Variants in ZNF682 observed in about 807,000 individuals in gnomAD.
ZNF682 encodes zinc finger protein 682.
Under a neutral mutation model 36.5 loss-of-function variants are expected in ZNF682, and 29 were observed. That is an observed-to-expected ratio of 0.80 (90% CI 0.59 to 1.08). ZNF682 has a LOEUF of 1.08. ZNF682 is among the 50% of genes least tolerant of loss of function. The pLI, the probability that ZNF682 is intolerant of heterozygous loss-of-function variation, is 0.00. For synonymous variants in ZNF682, 180 were observed against 197.0 expected (o/e 0.91, Z 0.72); for missense variants, 561 against 579.7 (o/e 0.97, Z 0.33).
At chr19:20,038,848 T>C (rs2088557508) in intron 1 of ZNF682, among the ~76,000 whole-genome samples, 1 of 152,212 alleles carries the variant, frequency 6.6e-6, no homozygotes. Flanking sequence ...TCCTTCAAGC[T>C]CTTCGGCTGG....
chr19:20,004,279 A>C (rs1190809593), downstream of ZNF682: 1 of 151,672 alleles, frequency 6.6e-6, no homozygotes, highest in African/African-American at 2.4e-5. Flanking sequence ...AAAGTCACTA[A>C]GGATAAGAAT....
downstream of ZNF682, among the ~76,000 whole-genome samples, chr19:20,000,387 G>C (rs1170003005): frequency 6.6e-6 from 1 of 152,178 alleles, no homozygotes; most frequent in African/African-American, 2.4e-5. Flanking sequence ...CGATAATGCA[G>C]ATGTCCACTT....
rs1473481540 is a variant in ZNF682, at chr19:20,006,188, TGAGCACC to T, written c.1307_1313del (p.Arg436HisfsTer66). ...GAATTTTCTTATGTCTAGTAAGGTG[TGAGCACC>T]GATTAAAGGCTTTTCCACATTCTTC... On this transcript the variant is annotated frameshift_variant, in exon 4 of 4. Transcript: ENST00000397165. LOFTEE classifies it high-confidence loss of function. 1.2e-6 allele frequency: 2 copies of T among 1,613,382 alleles called. No homozygotes were observed. The highest frequency in any genetic ancestry group is 1.7e-6 in the Non-Finnish European group (2 of 1,179,550).
At chr19:20,017,317 G>A (rs1031841094) in intron 3 of ZNF682, among the ~76,000 whole-genome samples, 3 of 152,108 alleles carry the variant, frequency 2.0e-5, no homozygotes, top group Non-Finnish European at 4.4e-5. Flanking sequence ...GTCTTTAGGG[G>A]ACTCATTTTA....
intron 1 of ZNF682, 68 bp downstream of exon 1, chr19:20,039,275 A>G (rs1283576090): frequency 1.9e-6 from 3 of 1,600,838 alleles, no homozygotes; most frequent in Non-Finnish European, 2.6e-6. Context: ...CAGTCCCGTC[A>G]CTGCCGGTTC....
intron 3 of ZNF682, among the ~76,000 whole-genome samples, chr19:20,012,700 G>A (rs1390038392): frequency 2.7e-5 from 4 of 150,282 alleles, no homozygotes; most frequent in Middle Eastern, 3.4e-3. Context: ...CCCGGGAGGC[G>A]GAGCTTGCAG....
At chr19:20,019,774 T>TG (rs1375665620) in intron 3 of ZNF682, among the ~76,000 whole-genome samples, 4 of 152,124 alleles carry the variant, frequency 2.6e-5, no homozygotes, top group African/African-American at 9.7e-5. Flanking sequence ...AATGATAAAA[T>TG]ATCACTTCAC....
intron 2 of ZNF682, 80 bp from the exon 3 acceptor site, chr19:20,023,179 A>C: frequency 7.9e-7 from 1 of 1,262,786 alleles, no homozygotes; most frequent in South Asian, 1.3e-5. Context: ...TGTAGATAAG[A>C]GAGAATATTA....
At chr19:20,002,833 T>C (rs1219698822), downstream of ZNF682, among the ~76,000 whole-genome samples, 1 of 152,196 alleles carries the variant, frequency 6.6e-6, no homozygotes, top group Non-Finnish European at 1.5e-5. Flanking sequence ...GACATCTCCC[T>C]AGTGTTCACC....
At chr19:20,024,198 A>C (rs1277329381) in intron 2 of ZNF682, 52 bp downstream of exon 2, 1 of 1,605,598 alleles carries the variant, frequency 6.2e-7, no homozygotes, top group African/African-American at 1.3e-5. Context: ...ACAGAGGAAG[A>C]AAATAAAATC....
chr19:20,006,633 C>G lies in ZNF682; in HGVS notation c.869G>C (p.Cys290Ser), dbSNP rs1356460326. The stretch of plus-strand genomic sequence containing the variant: ...TGAGTGCCGGTTAAACGCTCTGCCA[C>G]AGTCTTCACATGTATAGGGTTTTTC... ...TGEKPYTCED[C>S]GRAFNRHSHL... Residue 290 changes from cysteine (C) to serine (S), a missense_variant, in exon 4 of 4, where the codon TGT becomes TCT. Transcript: ENST00000397165. The G allele has an allele frequency of 6.2e-7, 1 of 1,613,990 alleles. No homozygotes were observed. Among genetic ancestry groups the G allele is most frequent in the Non-Finnish European group, 8.5e-7 (1 of 1,180,014 alleles).
chr19:20,022,890 C>T, intron 3 of ZNF682, 114 bp downstream of exon 3: 1 of 843,894 alleles, frequency 1.2e-6, no homozygotes, highest in Non-Finnish European at 1.9e-6. Flanking sequence ...CAATCACGTT[C>T]CTCAAAAATC....
At position 19,998,642 on chromosome 19, in the gene ZNF682, G is replaced by A. The variant is rs149698520; in HGVS notation, c.227-1379C>T. 2.0e-3 allele frequency among the ~76,000 whole-genome samples: 311 copies of A among 152,262 alleles called. 1 individual carries two copies. The highest frequency in any genetic ancestry group is 7.2e-3 in the African/African-American group (300 of 41,532). The stretch of plus-strand genomic sequence containing the variant: ...AAGCTGGACTTCTCAACAGAAGCTG[G>A]ACTGGGGAAGGATCAGCTTTAAACT... On this transcript the variant is annotated intron_variant, in intron 3 of 3. Transcript: ENST00000596019.
chr19:20,034,821 G>T (rs2088513435), intron 1 of ZNF682, among the ~76,000 whole-genome samples: 1 of 151,750 alleles, frequency 6.6e-6, no homozygotes, highest in Non-Finnish European at 1.5e-5. Flanking sequence ...ATAAGGTCAG[G>T]CCCGGTGGCT....
chr19:20,026,703 C>G (rs991382281), intron 1 of ZNF682, among the ~76,000 whole-genome samples: 1 of 152,056 alleles, frequency 6.6e-6, no homozygotes, highest in Non-Finnish European at 1.5e-5. Flanking sequence ...TGGCCTCAAG[C>G]GATCCTCCTG....
chr19:19,997,214 C>G, exon 4 of ZNF682: 1 of 398,742 alleles, frequency 2.5e-6, no homozygotes, highest in Non-Finnish European at 4.4e-6. Context: ...ATCTCCAGGT[C>G]AGTTTCAAGA....
intron 1 of ZNF682, among the ~76,000 whole-genome samples, chr19:20,026,769 A>G (rs1310957577): frequency 6.6e-6 from 1 of 152,172 alleles, no homozygotes; most frequent in East Asian, 1.9e-4. Flanking sequence ...CCCAGTCACA[A>G]AGAGAACATT....
intron 3 of ZNF682, among the ~76,000 whole-genome samples, chr19:20,012,723 G>A (rs912715138): frequency 6.2e-5 from 9 of 144,890 alleles, no homozygotes; most frequent in Admixed American, 1.4e-4. Flanking sequence ...AACCGAGATC[G>A]CGCCACTGCA....
intron 1 of ZNF682, among the ~76,000 whole-genome samples, chr19:20,026,828 G>A (rs1314148617): frequency 6.6e-6 from 1 of 152,182 alleles, no homozygotes; most frequent in Non-Finnish European, 1.5e-5. Context: ...GTCATGGTAT[G>A]TAAGAAGCCT....
Sources: allele counts gnomAD v4.1 joint callset (sites outside exome capture counted in the v4.1 genomes callset), GRCh38; gene constraint gnomAD v4.1.1; transcripts MANE v1.5; gene names NCBI Gene and HGNC (gene_info 2026-07-23, HGNC 2026-07-21).